ANO4: variants seen among roughly 807,000 people sequenced by gnomAD.
ANO4 encodes the protein anoctamin 4, also known as anoctamin-4.
In ANO4, 69 loss-of-function variants were observed where a neutral mutation model predicts 141.9. The observed-to-expected ratio is 0.49, with a 90% CI of 0.40 to 0.59. ANO4 has a LOEUF of 0.59. Among genes scored for constraint, ANO4 ranks in the 20% least tolerant of loss-of-function variants. ANO4 has a pLI of 0.00. For synonymous variants in ANO4, 350 were observed against 394.3 expected (o/e 0.89, Z 1.33); for missense variants, 894 against 1,162.2 (o/e 0.77, Z 3.36).
intron 3 of ANO4, among the ~76,000 whole-genome samples, chr12:100,788,055 A>T (rs936625914): frequency 6.6e-6 from 1 of 152,184 alleles, no homozygotes; most frequent in East Asian, 1.9e-4. Flanking sequence ...TTTATCCCTG[A>T]TTGCCATGGT....
chr12:100,760,337 A>G (rs1043324336), intron 3 of ANO4, among the ~76,000 whole-genome samples: 7 of 152,182 alleles, frequency 4.6e-5, no homozygotes, highest in African/African-American at 1.7e-4. Context: ...CAGCCAAGAA[A>G]ATAGAAAGCA....
At chr12:100,898,037 A>G (rs1297651809) in intron 1 of ANO4, among the ~76,000 whole-genome samples, 2 of 152,234 alleles carry the variant, frequency 1.3e-5, no homozygotes, top group Non-Finnish European at 2.9e-5. Flanking sequence ...TTAAAATATC[A>G]GTTAATCACT....
chr12:100,917,320 T>G (rs1435986163), intron 2 of ANO4, among the ~76,000 whole-genome samples: 1 of 152,192 alleles, frequency 6.6e-6, no homozygotes, highest in Non-Finnish European at 1.5e-5. Context: ...TGGGGCTGTA[T>G]TTTAAAGAAT....
chr12:101,042,540 TCA>T lies in ANO4; in HGVS notation c.1154+75_1154+76del, dbSNP rs371188750. ...GTGGCTGTTTGCACTTTGGGGGTAT[TCA>T]CAGATTGTGGAGACATTTAGCTTTT... is the stretch of plus-strand genomic sequence containing the variant. On this transcript the variant is annotated intron_variant, in intron 12 of 27. Coordinates refer to ENST00000392977, the MANE Select transcript of ANO4 (RefSeq NM_001286615.2). 1,398 of 1,574,832 alleles carry T rather than the reference TCA, an allele frequency of 8.9e-4. 22 individuals carry two copies. The East Asian group carries it at 0.028, about 31-fold the overall frequency.
chr12:101,103,446 G>A (rs1057318679), intron 22 of ANO4, among the ~76,000 whole-genome samples: 1 of 151,040 alleles, frequency 6.6e-6, no homozygotes, highest in Non-Finnish European at 1.5e-5. Flanking sequence ...ATCATGACTA[G>A]TATTACATTA....
At chr12:101,123,600 TG>T (rs1190043135) in intron 26 of ANO4, among the ~76,000 whole-genome samples, 2 of 152,140 alleles carry the variant, frequency 1.3e-5, no homozygotes, top group Non-Finnish European at 2.9e-5. Flanking sequence ...GTCAGTTTGC[TG>T]AGGATAACAG....
intron 1 of ANO4, among the ~76,000 whole-genome samples, chr12:100,727,778 T>C (rs906676619): frequency 4.6e-5 from 7 of 152,178 alleles, no homozygotes; most frequent in African/African-American, 1.7e-4. Flanking sequence ...AGTTGAACTT[T>C]TTTGTTATAT....
At chr12:101,011,915 A>G (rs185904552) in intron 8 of ANO4, among the ~76,000 whole-genome samples, 1 of 152,116 alleles carries the variant, frequency 6.6e-6, no homozygotes, top group African/African-American at 2.4e-5. Context: ...GTTTTTAACC[A>G]TGCAGATTTT....
chr12:100,836,464 T>C (rs962340724), intron 1 of ANO4, among the ~76,000 whole-genome samples: 2 of 151,676 alleles, frequency 1.3e-5, no homozygotes, highest in Non-Finnish European at 2.9e-5. Context: ...TTACATTAGG[T>C]ATATCTCCTA....
chr12:100,994,505 A>C (rs2045282030), intron 8 of ANO4, among the ~76,000 whole-genome samples: 1 of 152,214 alleles, frequency 6.6e-6, no homozygotes, highest in African/African-American at 2.4e-5. Context: ...GATATACAGG[A>C]CATTCTTTCA....
chr12:101,079,008 A>G lies in ANO4; in HGVS notation c.1313-185A>G, dbSNP rs149597541. Among the ~76,000 whole-genome samples the G allele has an allele frequency of 9.3e-4, 142 of 152,322 alleles. 2 individuals carry two copies. The East Asian group carries it at 0.019, about 21-fold the overall frequency. On this transcript the variant is annotated intron_variant, in intron 14 of 27. Transcript: ENST00000392977. ...TCTCTCGTTTTTCATTATGTCTGAC[A>G]CAAGCTTAGTAATTCTCAGAAAATA...
At chr12:100,816,922 A>G (rs1270921760) in intron 1 of ANO4, among the ~76,000 whole-genome samples, 1 of 151,802 alleles carries the variant, frequency 6.6e-6, no homozygotes, top group Non-Finnish European at 1.5e-5. Context: ...CTCTAAATTC[A>G]GTTGTTGTTG....
chr12:100,914,130 A>G lies in ANO4; in HGVS notation c.56-8096A>G, dbSNP rs567118041. ...CCTTCTTGCTATTTGAAGCTTTGCA[A>G]TTCTGACTTCCAGGCCCTCTAGGGA... is the stretch of plus-strand genomic sequence containing the variant. On this transcript the variant is annotated intron_variant, in intron 2 of 27. Transcript: ENST00000392977. 1.6e-4 allele frequency among the ~76,000 whole-genome samples: 24 copies of G among 152,312 alleles called. 1 individual carries two copies. Among genetic ancestry groups the G allele is most frequent in the African/African-American group, 5.8e-4 (24 of 41,574 alleles).
At chr12:101,017,224 G>T (rs977262764) in intron 8 of ANO4, among the ~76,000 whole-genome samples, 1 of 152,184 alleles carries the variant, frequency 6.6e-6, no homozygotes, top group Non-Finnish European at 1.5e-5. Context: ...CACATCTTAC[G>T]TGTTGGCAGG....
chr12:100,949,986 T>C (rs1247485877), intron 5 of ANO4, among the ~76,000 whole-genome samples: 1 of 152,206 alleles, frequency 6.6e-6, no homozygotes, highest in Non-Finnish European at 1.5e-5. Context: ...CAGATGGCTC[T>C]GTTCCCTTGT....
At chr12:101,054,343 G>A (rs2048008228) in intron 14 of ANO4, among the ~76,000 whole-genome samples, 1 of 152,062 alleles carries the variant, frequency 6.6e-6, no homozygotes, top group Admixed American at 6.5e-5. Context: ...TATTAATGGT[G>A]GTTTGCTTTA....
At chr12:100,967,778 A>G (rs574339704) in intron 5 of ANO4, among the ~76,000 whole-genome samples, 4 of 152,354 alleles carry the variant, frequency 2.6e-5, no homozygotes, top group Middle Eastern at 3.4e-3. Context: ...TTTCTAAAAT[A>G]TGAAATTCTT....
Position 101,102,463 on chromosome 12 carries a change from A to G in ANO4, c.2149+2743A>G, listed in dbSNP as rs534106845. ...TTTAACTTGAAATTTTATGATAACTAATAATGCTGAGCACCTTTTCATATG... is the reference window on the plus strand; with the variant it reads ...TTTAACTTGAAATTTTATGATAACTGATAATGCTGAGCACCTTTTCATATG... On this transcript the variant is annotated intron_variant, in intron 22 of 27. Coordinates refer to ENST00000392977, the MANE Select transcript of ANO4 (RefSeq NM_001286615.2). Among the ~76,000 whole-genome samples the G allele has an allele frequency of 5.9e-5, 9 of 152,286 alleles. No individual in the cohort carries two copies. In the South Asian group the frequency reaches 1.9e-3, roughly 32 times the overall value.
At chr12:101,050,217 T>C (rs2047803493) in intron 14 of ANO4, among the ~76,000 whole-genome samples, 1 of 152,040 alleles carries the variant, frequency 6.6e-6, no homozygotes, top group Non-Finnish European at 1.5e-5. Flanking sequence ...AAAGAGAGAA[T>C]ATAGCCAAGT....
Sources: gnomAD v4.1 joint callset for allele counts (sites outside exome capture counted in the v4.1 genomes callset) on GRCh38, gnomAD v4.1.1 for gene constraint, MANE v1.5 for transcripts, NCBI Gene and HGNC (gene_info 2026-07-23, HGNC 2026-07-21) for gene names.